SLC26A7: variants seen among roughly 807,000 people sequenced by gnomAD.
The protein encoded by SLC26A7 is solute carrier family 26 member 7, also known as anion exchange transporter.
A neutral mutation model predicts 82.5 loss-of-function variants in SLC26A7; 59 were observed. The ratio of observed to expected loss-of-function variants is 0.72; its 90% CI spans 0.58 to 0.89. The LOEUF is 0.89. Ranked by LOEUF, SLC26A7 falls within the 40% of genes least tolerant of loss-of-function variation. SLC26A7 has a pLI of 0.00. For missense variants in SLC26A7, 820 were observed against 793.0 expected (o/e 1.03, Z -0.41); for synonymous variants, 271 against 274.3 (o/e 0.99, Z 0.12).
At chr8:91,214,710 T>C (rs1810006790) in intron 1 of SLC26A7, among the ~76,000 whole-genome samples, 1 of 152,188 alleles carries the variant, frequency 6.6e-6, no homozygotes, top group Non-Finnish European at 1.5e-5. Flanking sequence ...GCCATTGTTA[T>C]GCTTTTCAAG....
intron 15 of SLC26A7, among the ~76,000 whole-genome samples, chr8:91,387,819 C>G (rs1656161407): frequency 6.6e-6 from 1 of 152,142 alleles, no homozygotes; most frequent in Non-Finnish European, 1.5e-5. Context: ...TAAGACCTCA[C>G]TCATATTTGT....
intron 16 of SLC26A7, among the ~76,000 whole-genome samples, chr8:91,392,638 A>G (rs567631391): frequency 6.6e-6 from 1 of 152,308 alleles, no homozygotes; most frequent in East Asian, 1.9e-4. Context: ...CATGCTTTCT[A>G]ACAACACTCC....
At chr8:91,379,774 A>C (rs1206621608) in intron 15 of SLC26A7, among the ~76,000 whole-genome samples, 1 of 152,094 alleles carries the variant, frequency 6.6e-6, no homozygotes, top group East Asian at 1.9e-4. Flanking sequence ...ATAAAGCATT[A>C]AGCATAAAGA....
chr8:91,394,347 C>G (rs1808505845), intron 18 of SLC26A7: 1 of 1,583,116 alleles, frequency 6.3e-7, no homozygotes, highest in Non-Finnish European at 8.6e-7. Context: ...ATCTACTGTC[C>G]TGGGGACTTG....
At chr8:91,294,963 C>A (rs900436798) in intron 3 of SLC26A7, among the ~76,000 whole-genome samples, 1 of 152,012 alleles carries the variant, frequency 6.6e-6, no homozygotes, top group African/African-American at 2.4e-5. Context: ...CTGGGATGGA[C>A]CCTTATTAGA....
At chr8:91,363,941 G>GTTTTTTTTTTTTTTTTTTTTTTTT (rs5893169) in intron 13 of SLC26A7, among the ~76,000 whole-genome samples, 1 of 135,692 alleles carries the variant, frequency 7.4e-6, no homozygotes. Context: ...TCATGGTATT[G>GTTTTTTTTTTTTTTTTTTTTTTTT]TTTTTTTTTT....
chr8:91,318,117 T>A (rs1812691317), intron 4 of SLC26A7, 99 bp from the exon 5 acceptor site: 8 of 1,030,284 alleles, frequency 7.8e-6, no homozygotes, highest in Non-Finnish European at 9.9e-6. Flanking sequence ...TCTCTATGAT[T>A]CTATCAAATG....
intron 2 of SLC26A7, among the ~76,000 whole-genome samples, chr8:91,230,174 G>A (rs151242984): frequency 3.3e-5 from 5 of 152,130 alleles, no homozygotes; most frequent in African/African-American, 7.2e-5. Context: ...ATTCCATAAC[G>A]TAACTGTAAT....
At chr8:91,334,743 T>G (rs568147883) in intron 6 of SLC26A7, among the ~76,000 whole-genome samples, 1 of 152,300 alleles carries the variant, frequency 6.6e-6, no homozygotes, top group Admixed American at 6.5e-5. Flanking sequence ...GAGGTACTTA[T>G]AAGGGTGAGG....
At chr8:91,278,804 G>T (rs2130747231) in intron 2 of SLC26A7, among the ~76,000 whole-genome samples, 1 of 151,872 alleles carries the variant, frequency 6.6e-6, no homozygotes, top group African/African-American at 2.4e-5. Flanking sequence ...ACAATATATT[G>T]TTATTAACTA....
intron 2 of SLC26A7, among the ~76,000 whole-genome samples, chr8:91,226,668 G>A (rs1355372479): frequency 6.6e-6 from 1 of 152,242 alleles, no homozygotes; most frequent in African/African-American, 2.4e-5. Context: ...ACTTGCTAAT[G>A]TAGGGAGACA....
At position 91,339,227 on chromosome 8, in the gene SLC26A7, C is replaced by A. The variant is rs562646361; in HGVS notation, c.878+995C>A. Among the ~76,000 whole-genome samples the A allele has an allele frequency of 7.9e-5, 12 of 152,012 alleles. No individual in the cohort carries two copies. In the South Asian group the frequency reaches 2.5e-3, roughly 32 times the overall value. Reference sequence around the variant, plus strand: ...GAAATGGTTTTGTGTAGCATAATAACCTGTAATGATACAAATCAATTTGTC... The same window carrying A: ...GAAATGGTTTTGTGTAGCATAATAAACTGTAATGATACAAATCAATTTGTC... On this transcript the variant is annotated intron_variant, in intron 7 of 18. Coordinates refer to ENST00000276609, the MANE Select transcript of SLC26A7 (RefSeq NM_052832.4).
intron 2 of SLC26A7, among the ~76,000 whole-genome samples, chr8:91,268,671 G>A (rs913983550): frequency 4.0e-5 from 6 of 151,666 alleles, no homozygotes; most frequent in Non-Finnish European, 5.9e-5. Context: ...TGCATTTAAT[G>A]TTATTATTGA....
intron 15 of SLC26A7, among the ~76,000 whole-genome samples, chr8:91,388,161 T>C (rs1814848764): frequency 6.6e-6 from 1 of 152,182 alleles, no homozygotes; most frequent in African/African-American, 2.4e-5. Flanking sequence ...GACGGAGTCT[T>C]GCTCTGTTGC....
intron 2 of SLC26A7, among the ~76,000 whole-genome samples, chr8:91,261,567 G>A (rs1172016024): frequency 1.3e-5 from 2 of 151,996 alleles, no homozygotes; most frequent in African/African-American, 4.8e-5. Flanking sequence ...ATGATGATTT[G>A]GTGGTAAAAA....
At chr8:91,389,232 A>G in intron 15 of SLC26A7, 106 bp from the exon 16 acceptor site, 2 of 722,692 alleles carry the variant, frequency 2.8e-6, no homozygotes, top group South Asian at 1.7e-5. Flanking sequence ...GTTTAGAATT[A>G]CTGTTGTTAA....
At chr8:91,255,182 T>C (rs1810767639) in intron 2 of SLC26A7, among the ~76,000 whole-genome samples, 1 of 151,618 alleles carries the variant, frequency 6.6e-6, no homozygotes, top group Non-Finnish European at 1.5e-5. Context: ...TCACCTAGAC[T>C]TTTTTTTTCC....
At position 91,338,142 on chromosome 8, in the gene SLC26A7, CCA is replaced by C. The variant is rs1408158528; in HGVS notation, c.796-3_796-2del. 6.3e-7 allele frequency: 1 copy of C among 1,597,216 alleles called. No homozygotes were observed. The highest frequency in any genetic ancestry group is 1.4e-5 in the African/African-American group (1 of 73,836). On this transcript the variant is annotated splice_polypyrimidine_tract_variant and splice_region_variant and intron_variant, in intron 6 of 18. Coordinates refer to ENST00000276609, the MANE Select transcript of SLC26A7 (RefSeq NM_052832.4). Reference sequence around the variant, plus strand: ...ATATTTTTTCTTTTTTCAAATGGAACCACACAGATTATTGCTGCATCATTTGC... The same window carrying C: ...ATATTTTTTCTTTTTTCAAATGGAACCACAGATTATTGCTGCATCATTTGC...
intron 2 of SLC26A7, among the ~76,000 whole-genome samples, chr8:91,269,601 T>A (rs1340662443): frequency 6.6e-6 from 1 of 152,184 alleles, no homozygotes; most frequent in Non-Finnish European, 1.5e-5. Context: ...CCTTGGGAAT[T>A]TTCTCTTTGG....
Sources: allele counts gnomAD v4.1 joint callset (sites outside exome capture counted in the v4.1 genomes callset), GRCh38; gene constraint gnomAD v4.1.1; transcripts MANE v1.5; gene names NCBI Gene and HGNC (gene_info 2026-07-23, HGNC 2026-07-21).